The following TIAM2 variants were observed in gnomAD, a reference collection of about 807,000 sequenced individuals.
TIAM2 encodes TIAM Rac1 associated GEF 2, also known as rho guanine nucleotide exchange factor TIAM2.
A neutral mutation model predicts 152.9 loss-of-function variants in TIAM2; 80 were observed. That is an observed-to-expected ratio of 0.52 (90% CI 0.44 to 0.63). The LOEUF is 0.63. Among genes scored for constraint, TIAM2 ranks in the 30% least tolerant of loss-of-function variants. The probability of loss-of-function intolerance (pLI) is 0.00; values close to 1 mark genes in which losing one functional copy is unlikely to be tolerated. For synonymous variants in TIAM2, 804 were observed against 838.0 expected (o/e 0.96, Z 0.70); for missense variants, 1,965 against 2,120.1 (o/e 0.93, Z 1.44).
chr6:155,178,165 T>TAAAA (rs557378875), intron 10 of TIAM2, among the ~76,000 whole-genome samples: 2,091 of 83,192 alleles, frequency 0.025, 69 homozygotes, highest in African/African-American at 0.075. Flanking sequence ...CGTCTCAAAT[T>TAAAA]AAAAAAAAAA....
rs1779786625 is a variant in TIAM2, at chr6:155,144,822, G to T, written c.1803+44G>T. Reference sequence around the variant, plus strand: ...AAGTGGAGGTAATAGCTTATGTACTGCTAGAATAAGAAGGAACAGAAAAGG... The same window carrying T: ...AAGTGGAGGTAATAGCTTATGTACTTCTAGAATAAGAAGGAACAGAAAAGG... On this transcript the variant is annotated intron_variant, in intron 6 of 26. Transcript: ENST00000682666. 15 of 1,543,266 alleles carry T rather than the reference G, an allele frequency of 9.7e-6. No individual in the cohort carries two copies. In the East Asian group the frequency reaches 3.6e-4, roughly 37 times the overall value.
intron 22 of TIAM2, 83 bp from the exon 23 acceptor site, chr6:155,251,862 C>G: frequency 9.3e-7 from 1 of 1,081,050 alleles, no homozygotes; most frequent in Non-Finnish European, 1.4e-6. Context: ...GAGAGTGTTA[C>G]TCTGTTAAGA....
At chr6:155,166,188 C>G (rs1466590587) in intron 9 of TIAM2, among the ~76,000 whole-genome samples, 3 of 152,154 alleles carry the variant, frequency 2.0e-5, no homozygotes, top group Admixed American at 6.5e-5. Context: ...TTATCCTGTT[C>G]ACCAGCACCA....
chr6:155,240,467 G>C (rs1378005103), intron 15 of TIAM2, 63 bp from the exon 16 acceptor site: 5 of 1,510,464 alleles, frequency 3.3e-6, no homozygotes, highest in East Asian at 2.3e-5. Context: ...GGTGCCCTTG[G>C]GGGCAGCGGA....
intron 25 of TIAM2, 93 bp downstream of exon 25, chr6:155,254,153 A>G (rs1783855273): frequency 7.3e-7 from 1 of 1,363,184 alleles, no homozygotes; most frequent in Admixed American, 2.1e-5. Context: ...CTGAATTTTG[A>G]TGATATCAGG....
chr6:155,057,439 C>A lies in TIAM2; in HGVS notation c.-208-32850C>A, dbSNP rs575215994. ...TGATATCACAGGTGCATACTATTAA[C>A]ATGATTTGTCACTGTTGATGTTAAT... On this transcript the variant is annotated intron_variant, in intron 1 of 26. Transcript: ENST00000682666. Among the ~76,000 whole-genome samples the A allele has an allele frequency of 2.6e-5, 4 of 151,546 alleles. No homozygotes were observed. In the East Asian group the frequency reaches 7.8e-4, roughly 29 times the overall value.
chr6:155,122,524 A>ATT lies in TIAM2; in HGVS notation c.-117-4955_-117-4954dup, dbSNP rs566612162. Among the ~76,000 whole-genome samples, 6 of 141,254 alleles carry ATT rather than the reference A, an allele frequency of 4.2e-5. 1 individual carries two copies. Among genetic ancestry groups the ATT allele is most frequent in the African/African-American group, 1.6e-4 (6 of 36,378 alleles). The allele number at this position is 141,254 out of a possible 152,430, so 92.7% of individuals were successfully genotyped here. ...GAGGGAATGGAGAATGGATGGTAGG[A>ATT]TTTTTTTTTTTTGTTCTAGGTCCAT... is the stretch of plus-strand genomic sequence containing the variant. On this transcript the variant is annotated intron_variant, in intron 2 of 26. Transcript: ENST00000682666.
At chr6:155,021,741 A>G (rs1583154488) in intron 1 of TIAM2, among the ~76,000 whole-genome samples, 2 of 152,168 alleles carry the variant, frequency 1.3e-5, no homozygotes, top group East Asian at 3.8e-4. Flanking sequence ...ACTTCATTCC[A>G]GATAGGTTAA....
Position 155,075,522 on chromosome 6 carries a change from A to G in TIAM2, c.-208-14767A>G, listed in dbSNP as rs17085930. ...GGTGAGAACAAGATTTGACAAAAAG[A>G]ATTAGTGTGTAATAACACAGAAGGA... On this transcript the variant is annotated intron_variant, in intron 1 of 26. Coordinates refer to ENST00000682666, the MANE Select transcript of TIAM2 (RefSeq NM_012454.4). Among the ~76,000 whole-genome samples the G allele has an allele frequency of 2.1e-3, 325 of 152,316 alleles. 4 individuals are homozygous for G. Among genetic ancestry groups the G allele is most frequent in the Admixed American group, 0.014 (220 of 15,298 alleles).
intron 14 of TIAM2, among the ~76,000 whole-genome samples, chr6:155,209,059 C>T (rs1781656828): frequency 6.6e-6 from 1 of 151,934 alleles, no homozygotes; most frequent in Admixed American, 6.6e-5. Flanking sequence ...AGTGTCTGCT[C>T]TCCTTTGAAG....
chr6:155,059,426 C>A (rs993683849), intron 1 of TIAM2, among the ~76,000 whole-genome samples: 3 of 151,946 alleles, frequency 2.0e-5, no homozygotes, highest in African/African-American at 7.3e-5. Flanking sequence ...CAGGTTCAAG[C>A]GATTCTCCTG....
At chr6:155,009,504 G>A (rs1023650514) in intron 1 of TIAM2, among the ~76,000 whole-genome samples, 6 of 152,126 alleles carry the variant, frequency 3.9e-5, no homozygotes, top group African/African-American at 1.2e-4. Context: ...TGGAGAGACT[G>A]TGTTCTGGAG....
chr6:155,014,653 T>TAC (rs1392751522), intron 1 of TIAM2, among the ~76,000 whole-genome samples: 3 of 152,360 alleles, frequency 2.0e-5, no homozygotes, highest in African/African-American at 7.2e-5. Context: ...AGTATCTACG[T>TAC]ACACTCAATT....
chr6:155,114,263 C>T (rs898586225), intron 2 of TIAM2, among the ~76,000 whole-genome samples: 1 of 151,322 alleles, frequency 6.6e-6, no homozygotes, highest in Non-Finnish European at 1.5e-5. Context: ...CTGTGTTGGC[C>T]AGGCTGGTCT....
intron 14 of TIAM2, among the ~76,000 whole-genome samples, chr6:155,205,033 T>A (rs1781562311): frequency 6.6e-6 from 1 of 152,076 alleles, no homozygotes; most frequent in East Asian, 1.9e-4. Context: ...ATCATAGCAT[T>A]AATATTCATG....
intron 1 of TIAM2, among the ~76,000 whole-genome samples, chr6:155,082,785 G>A (rs1778095463): frequency 1.3e-5 from 2 of 152,104 alleles, no homozygotes; most frequent in African/African-American, 4.8e-5. Flanking sequence ...AGCTGTTAAA[G>A]TAGGGTATTT....
intron 2 of TIAM2, among the ~76,000 whole-genome samples, chr6:155,110,493 A>T (rs1010505457): frequency 6.6e-6 from 1 of 152,070 alleles, no homozygotes; most frequent in African/African-American, 2.4e-5. Context: ...ATCTGTGACC[A>T]TCAGCTCTCT....
rs542035490 is a variant in TIAM2 at position 155,217,851 on chromosome 6, G to A, written c.3168+6544G>A. ...TTTTTCTAGGCAGAAAAAAAAGAACGTGCACTAGTGGCTATGGTTTTTAGT... is the reference window on the plus strand; with the variant it reads ...TTTTTCTAGGCAGAAAAAAAAGAACATGCACTAGTGGCTATGGTTTTTAGT... On this transcript the variant is annotated intron_variant, in intron 15 of 26. Coordinates refer to ENST00000682666, the MANE Select transcript of TIAM2 (RefSeq NM_012454.4). Among the ~76,000 whole-genome samples, 128 of 152,282 alleles carry A rather than the reference G, an allele frequency of 8.4e-4. 1 individual carries two copies. The highest frequency in any genetic ancestry group is 1.4e-3 in the Non-Finnish European group (92 of 68,014).
intron 9 of TIAM2, among the ~76,000 whole-genome samples, chr6:155,176,065 A>T (rs1780752065): frequency 6.6e-6 from 1 of 152,222 alleles, no homozygotes; most frequent in South Asian, 2.1e-4. Flanking sequence ...TGCAGTTCAG[A>T]GTCAGGATGG....
Sources: gnomAD v4.1 joint callset for allele counts (sites outside exome capture counted in the v4.1 genomes callset) on GRCh38, gnomAD v4.1.1 for gene constraint, MANE v1.5 for transcripts, NCBI Gene and HGNC (gene_info 2026-07-23, HGNC 2026-07-21) for gene names.